The following ADCK1 variants were observed in gnomAD, a reference collection of about 807,000 sequenced individuals.
ADCK1 encodes the protein aarF domain-containing protein kinase 1.
Under a neutral mutation model 52.3 loss-of-function variants are expected in ADCK1, and 41 were observed. The ratio of observed to expected loss-of-function variants is 0.78; its 90% CI spans 0.61 to 1.02. ADCK1 has a LOEUF of 1.02. Ranked by LOEUF, ADCK1 falls within the 50% of genes least tolerant of loss-of-function variation. The probability of loss-of-function intolerance (pLI) is 0.00; values close to 1 mark genes in which losing one functional copy is unlikely to be tolerated. For missense variants in ADCK1, 658 were observed against 679.5 expected (o/e 0.97, Z 0.35); for synonymous variants, 250 against 274.6 (o/e 0.91, Z 0.89).
At chr14:77,817,174 G>A (rs967837694) in intron 1 of ADCK1, among the ~76,000 whole-genome samples, 8 of 152,178 alleles carry the variant, frequency 5.3e-5, no homozygotes, top group Middle Eastern at 3.2e-3. Flanking sequence ...CCTGGCAGGC[G>A]GAGGTTGCAG....
At chr14:77,820,194 T>G (rs2081549584) in intron 2 of ADCK1, among the ~76,000 whole-genome samples, 1 of 151,978 alleles carries the variant, frequency 6.6e-6, no homozygotes, top group Admixed American at 6.6e-5. Context: ...ATCCATGCAT[T>G]GTGCCAAGGT....
chr14:77,918,424 A>T (rs940376112), intron 7 of ADCK1, among the ~76,000 whole-genome samples: 1 of 152,330 alleles, frequency 6.6e-6, no homozygotes, highest in African/African-American at 2.4e-5. Context: ...AGATGTGTCT[A>T]TCATGCCCCA....
chr14:77,844,761 T>C (rs1054691239), intron 3 of ADCK1, among the ~76,000 whole-genome samples: 1 of 152,202 alleles, frequency 6.6e-6, no homozygotes, highest in Non-Finnish European at 1.5e-5. Context: ...ATTTTGTCTT[T>C]AGAACCCCAG....
intron 4 of ADCK1, among the ~76,000 whole-genome samples, chr14:77,879,883 C>G (rs998932372): frequency 1.5e-5 from 2 of 132,326 alleles, no homozygotes; most frequent in Admixed American, 1.7e-4. Flanking sequence ...GCACCCACTA[C>G]TATGGCAGTT....
chr14:77,914,488 G>T (rs2083870583), intron 7 of ADCK1: 1 of 985,468 alleles, frequency 1.0e-6, no homozygotes, highest in Non-Finnish European at 1.2e-6. Flanking sequence ...TTCTCGAGCA[G>T]CTACCATGTG....
intron 6 of ADCK1, 137 bp from the exon 7 acceptor site, chr14:77,907,666 G>A (rs1401272321): frequency 1.8e-5 from 11 of 608,634 alleles, no homozygotes; most frequent in Admixed American, 1.2e-4. Flanking sequence ...CACTGTCACC[G>A]CTGAGGTCCC....
At chr14:77,890,214 A>G (rs951976677) in intron 5 of ADCK1, among the ~76,000 whole-genome samples, 5 of 152,194 alleles carry the variant, frequency 3.3e-5, no homozygotes, top group Non-Finnish European at 5.9e-5. Context: ...ATGCAGCTCT[A>G]GCTGGAGTAG....
chr14:77,821,667 G>A (rs150968014), intron 2 of ADCK1, among the ~76,000 whole-genome samples: 192 of 152,098 alleles, frequency 1.3e-3, no homozygotes, highest in Admixed American at 3.3e-3. Context: ...GATCGCCTGA[G>A]GTCAGGAGTT....
chr14:77,829,938 A>G (rs776985632), intron 3 of ADCK1, among the ~76,000 whole-genome samples: 7 of 151,058 alleles, frequency 4.6e-5, no homozygotes, highest in Non-Finnish European at 7.4e-5. Context: ...GGGGTTGTCT[A>G]TAAGAAAAAG....
At chr14:77,867,058 G>A (rs761999928) in intron 4 of ADCK1, among the ~76,000 whole-genome samples, 1 of 152,208 alleles carries the variant, frequency 6.6e-6, no homozygotes, top group African/African-American at 2.4e-5. Flanking sequence ...TACTACACCA[G>A]CCCCTGGGGT....
intron 3 of ADCK1, among the ~76,000 whole-genome samples, chr14:77,846,552 T>C (rs1331522641): frequency 6.6e-6 from 1 of 152,154 alleles, no homozygotes; most frequent in African/African-American, 2.4e-5. Flanking sequence ...TGGCTCTCAT[T>C]GAGTGAATCA....
chr14:77,841,415 G>C (rs2082063005), intron 3 of ADCK1, among the ~76,000 whole-genome samples: 1 of 152,070 alleles, frequency 6.6e-6, no homozygotes, highest in Non-Finnish European at 1.5e-5. Flanking sequence ...AGGAACAGCA[G>C]GCTGGGATCT....
intron 3 of ADCK1, among the ~76,000 whole-genome samples, chr14:77,852,663 A>AAATAAATATATATATATAT (rs1566667072): frequency 1.9e-4 from 17 of 87,570 alleles, no homozygotes; most frequent in African/African-American, 1.0e-3. Flanking sequence ...ATAAATAAAT[A>AAATAAATATATATATATAT]TATATATATA....
At chr14:77,916,660 G>C (rs1426206778) in intron 7 of ADCK1, among the ~76,000 whole-genome samples, 1 of 152,180 alleles carries the variant, frequency 6.6e-6, no homozygotes, top group Admixed American at 6.5e-5. Context: ...ATGTTGCCCA[G>C]GCTGGTCTCA....
chr14:77,852,682 T>TATATATATTATATATATATATA (rs2082321089), intron 3 of ADCK1, among the ~76,000 whole-genome samples: 5 of 78,268 alleles, frequency 6.4e-5, no homozygotes. Context: ...TATATATATA[T>TATATATATTATATATATATATA]ATATATATAT....
intron 3 of ADCK1, among the ~76,000 whole-genome samples, chr14:77,832,947 C>T (rs1240754447): frequency 6.6e-6 from 1 of 152,168 alleles, no homozygotes; most frequent in African/African-American, 2.4e-5. Flanking sequence ...CCATCTATTA[C>T]ATTAGCTAAC....
At chr14:77,879,760 G>A (rs941313545) in intron 4 of ADCK1, among the ~76,000 whole-genome samples, 1 of 152,130 alleles carries the variant, frequency 6.6e-6, no homozygotes, top group Admixed American at 6.5e-5. Flanking sequence ...GGAAATGAGG[G>A]TGGTGGCTTA....
At chr14:77,812,104 C>A (rs2081348861) in intron 1 of ADCK1, among the ~76,000 whole-genome samples, 1 of 152,150 alleles carries the variant, frequency 6.6e-6, no homozygotes, top group South Asian at 2.1e-4. Context: ...ACATATCCAT[C>A]ACCTCAGATA....
intron 4 of ADCK1, among the ~76,000 whole-genome samples, chr14:77,866,048 A>G (rs1239940728): frequency 6.6e-6 from 1 of 152,158 alleles, no homozygotes; most frequent in Non-Finnish European, 1.5e-5. Flanking sequence ...AATGATGGTG[A>G]TATGTTCTGA....
Sources: gnomAD v4.1 joint callset for allele counts (sites outside exome capture counted in the v4.1 genomes callset) on GRCh38, gnomAD v4.1.1 for gene constraint, MANE v1.5 for transcripts, NCBI Gene and HGNC (gene_info 2026-07-23, HGNC 2026-07-21) for gene names.